The following NCOA2 variants were observed in gnomAD, a reference collection of about 807,000 sequenced individuals.
The protein encoded by NCOA2 is nuclear receptor coactivator 2.
Under a neutral mutation model 145.1 loss-of-function variants are expected in NCOA2, and 21 were observed. The ratio of observed to expected loss-of-function variants is 0.14; its 90% CI spans 0.10 to 0.21. The LOEUF (loss-of-function observed/expected upper bound fraction) is 0.21, where lower values mean the gene tolerates loss of function less well. Among genes scored for constraint, NCOA2 ranks in the 10% least tolerant of loss-of-function variants. The pLI, the probability that NCOA2 is intolerant of heterozygous loss-of-function variation, is 1.00. For synonymous variants in NCOA2, 619 were observed against 637.5 expected, an observed-to-expected ratio of 0.97 and a Z score of 0.44; for missense variants, 1,472 against 1,837.6, an observed-to-expected ratio of 0.80 and a Z score of 3.64.
intron 1 of NCOA2, among the ~76,000 whole-genome samples, chr8:70,357,631 C>G (rs1461243765): frequency 6.6e-6 from 1 of 152,104 alleles, no homozygotes; most frequent in Non-Finnish European, 1.5e-5. Flanking sequence ...GTCCCAGCTA[C>G]TAGTGAGGCT....
chr8:70,187,885 T>C (rs1423550048), intron 4 of NCOA2, among the ~76,000 whole-genome samples: 1 of 152,276 alleles, frequency 6.6e-6, no homozygotes, highest in Non-Finnish European at 1.5e-5. Context: ...TGCTAACTAA[T>C]TTAGTAATAC....
At chr8:70,276,966 T>C (rs1825514842) in intron 2 of NCOA2, among the ~76,000 whole-genome samples, 1 of 152,214 alleles carries the variant, frequency 6.6e-6, no homozygotes, top group African/African-American at 2.4e-5. Context: ...ATGAATAACA[T>C]AATAAAGTGT....
chr8:70,341,920 CTTT>C (rs1274515030), intron 1 of NCOA2, among the ~76,000 whole-genome samples: 1 of 152,238 alleles, frequency 6.6e-6, no homozygotes, highest in East Asian at 1.9e-4. Flanking sequence ...CATACAAAAA[CTTT>C]TTCAATACAC....
chr8:70,322,864 C>T lies in NCOA2; in HGVS notation c.-76-26064G>A, dbSNP rs184992796. 5.9e-5 allele frequency among the ~76,000 whole-genome samples: 9 copies of T among 152,248 alleles called. No individual in the cohort carries two copies. In the East Asian group the frequency reaches 1.3e-3, roughly 23 times the overall value. ...ATAATATAGCCAAAAAAGTGAAGTG[C>T]TCAGGACCTTCAAAAATATTTCAAA... On this transcript the variant is annotated intron_variant, in intron 1 of 22. Transcript: ENST00000452400.
chr8:70,174,236 C>T (rs921961810), intron 5 of NCOA2, among the ~76,000 whole-genome samples: 1 of 152,162 alleles, frequency 6.6e-6, no homozygotes, highest in Non-Finnish European at 1.5e-5. Flanking sequence ...TAATAAACAA[C>T]AGGTAGTTAA....
At chr8:70,419,019 C>G in the NCOA2 span, among the ~76,000 whole-genome samples, 35 of 151,308 alleles carry the variant, frequency 2.3e-4, no homozygotes, top group Non-Finnish European at 4.1e-4. Context: ...AATGGGTTGT[C>G]AGTGCCAAGC....
the NCOA2 span, among the ~76,000 whole-genome samples, chr8:70,436,030 T>C: frequency 6.6e-6 from 1 of 152,310 alleles, no homozygotes; most frequent in Middle Eastern, 3.4e-3. Context: ...TAAGAATGAA[T>C]TGACTTCATA....
chr8:70,293,421 T>C (rs1826858007), intron 2 of NCOA2, among the ~76,000 whole-genome samples: 1 of 152,260 alleles, frequency 6.6e-6, no homozygotes. Flanking sequence ...GGCCTTGATA[T>C]GCTTAATTTT....
the NCOA2 span, among the ~76,000 whole-genome samples, chr8:70,412,564 C>T: frequency 7.0e-6 from 1 of 143,180 alleles, no homozygotes; most frequent in African/African-American, 2.6e-5. Context: ...AGGAGAATTG[C>T]TTGAACCAAG....
chr8:70,137,162 C>T (rs543869510), intron 15 of NCOA2, among the ~76,000 whole-genome samples: 65 of 152,322 alleles, frequency 4.3e-4, no homozygotes, highest in African/African-American at 1.5e-3. Flanking sequence ...GCCTCAGCCT[C>T]CCGAGTATCT....
At chr8:70,291,106 T>C (rs1047382223) in intron 2 of NCOA2, among the ~76,000 whole-genome samples, 1 of 151,982 alleles carries the variant, frequency 6.6e-6, no homozygotes, top group African/African-American at 2.4e-5. Flanking sequence ...CCCAGACAAG[T>C]GGAATATTCA....
chr8:70,352,395 T>C (rs959679449), intron 1 of NCOA2, among the ~76,000 whole-genome samples: 2 of 152,166 alleles, frequency 1.3e-5, no homozygotes, highest in Non-Finnish European at 2.9e-5. Flanking sequence ...TCATGCACAC[T>C]GATATAAAGC....
intron 2 of NCOA2, among the ~76,000 whole-genome samples, chr8:70,227,645 T>TA (rs1370125852): frequency 6.6e-5 from 10 of 152,140 alleles, no homozygotes; most frequent in Non-Finnish European, 1.3e-4. Flanking sequence ...TGGTTGACAT[T>TA]AATAATGAAA....
At chr8:70,413,742 GTCAA>G in the NCOA2 span, among the ~76,000 whole-genome samples, 15 of 152,128 alleles carry the variant, frequency 9.9e-5, no homozygotes, top group Non-Finnish European at 2.1e-4. Context: ...TATTTACAGA[GTCAA>G]TCAATGTTAT....
At chr8:70,279,433 T>C (rs942271017) in intron 2 of NCOA2, among the ~76,000 whole-genome samples, 1 of 152,236 alleles carries the variant, frequency 6.6e-6, no homozygotes, top group East Asian at 1.9e-4. Flanking sequence ...CTTATTAGTA[T>C]ACCTGAATAA....
chr8:70,136,345 A>T (rs1360530156), intron 15 of NCOA2, among the ~76,000 whole-genome samples: 1 of 152,122 alleles, frequency 6.6e-6, no homozygotes, highest in Non-Finnish European at 1.5e-5. Context: ...CTGGGCAACA[A>T]AGTGAGACTC....
At chr8:70,329,147 C>T (rs1232829188) in intron 1 of NCOA2, among the ~76,000 whole-genome samples, 1 of 152,038 alleles carries the variant, frequency 6.6e-6, no homozygotes, top group Non-Finnish European at 1.5e-5. Context: ...TTTTTTGAGA[C>T]AGGGTCTCAC....
Position 70,393,319 on chromosome 8 carries a change from C to G in NCOA2, c.-77+10381G>C, listed in dbSNP as rs78116995. ...GGCACAGGCCATCAGCATTGCCATT[C>G]TGTTCCACAATTAAGGATTCGGATT... On this transcript the variant is annotated intron_variant, in intron 1 of 22. Transcript: ENST00000452400. 3.8e-3 allele frequency among the ~76,000 whole-genome samples: 584 copies of G among 152,314 alleles called. 2 individuals carry two copies. The highest frequency in any genetic ancestry group is 6.2e-3 in the Non-Finnish European group (421 of 68,026).
chr8:70,125,134 A>G (rs536294236), intron 19 of NCOA2, among the ~76,000 whole-genome samples: 4 of 152,154 alleles, frequency 2.6e-5, no homozygotes, highest in Admixed American at 6.5e-5. Context: ...GAAAGAAACA[A>G]TGCTATTCTT....
Sources: gnomAD v4.1 joint callset for allele counts (sites outside exome capture counted in the v4.1 genomes callset) on GRCh38, gnomAD v4.1.1 for gene constraint, MANE v1.5 for transcripts, NCBI Gene and HGNC (gene_info 2026-07-23, HGNC 2026-07-21) for gene names.